SRPRB: variants seen among roughly 807,000 people sequenced by gnomAD.
SRPRB encodes signal recognition particle receptor subunit beta.
SRPRB carries 20 observed loss-of-function variants against 31.9 expected under a neutral mutation model. The ratio of observed to expected loss-of-function variants is 0.63; its 90% CI spans 0.44 to 0.91. The LOEUF (loss-of-function observed/expected upper bound fraction) is 0.91, where lower values mean the gene tolerates loss of function less well. Among genes scored for constraint, SRPRB ranks in the 40% least tolerant of loss-of-function variants. The pLI is 0.00. For synonymous variants in SRPRB, 146 were observed against 132.8 expected (o/e 1.10, Z -0.68); for missense variants, 321 against 324.9 (o/e 0.99, Z 0.09).
rs1935413155 is a variant in SRPRB, at chr3:133,818,823, TTCCTTCCTAAACAA to T, written c.603-729_603-716del. Among the ~76,000 whole-genome samples the T allele has an allele frequency of 2.0e-5, 3 of 151,166 alleles. No homozygotes were observed. In the South Asian group the frequency reaches 6.3e-4, roughly 32 times the overall value. On this transcript the variant is annotated intron_variant, in intron 6 of 6. Transcript: ENST00000678299. Reference sequence around the variant, plus strand: ...GTGTGTGTGTGTGTGTGTGTGTGTGTTCCTTCCTAAACAAGGTATTGCTTAGTTTTGCCTGTGGA... The same window carrying T: ...GTGTGTGTGTGTGTGTGTGTGTGTGTGGTATTGCTTAGTTTTGCCTGTGGA...
intron 1 of SRPRB, chr3:133,790,512 C>T (rs556377398): frequency 1.1e-4 from 16 of 152,144 alleles, no homozygotes; most frequent in African/African-American, 3.1e-4. Context: ...TAGAGGAGAA[C>T]GATATGGAAA....
intron 5 of SRPRB, among the ~76,000 whole-genome samples, chr3:133,815,993 T>A (rs1198554487): frequency 6.6e-6 from 1 of 152,256 alleles, no homozygotes; most frequent in East Asian, 1.9e-4. Context: ...TAAATTATTT[T>A]ACTTTACCAA....
chr3:133,823,941 G>A (rs780856749), downstream of SRPRB, among the ~76,000 whole-genome samples: 14 of 152,084 alleles, frequency 9.2e-5, no homozygotes, highest in Admixed American at 2.0e-4. Flanking sequence ...GGAATATATC[G>A]TACCCCTGAC....
chr3:133,785,306 T>G (rs1183350715), intron 1 of SRPRB: 144 of 60,274 alleles, frequency 2.4e-3, no homozygotes, highest in Non-Finnish European at 2.6e-3. Flanking sequence ...GGTGGGGGGG[T>G]CGGCCCCCCG....
chr3:133,817,345 CTG>C (rs1275188748), intron 6 of SRPRB, among the ~76,000 whole-genome samples: 1 of 152,042 alleles, frequency 6.6e-6, no homozygotes, highest in African/African-American at 2.4e-5. Context: ...AAAATAAAAA[CTG>C]AGAATCAGGA....
At chr3:133,819,511 A>T in intron 6 of SRPRB, 42 bp from the exon 7 acceptor site, 1 of 1,577,012 alleles carries the variant, frequency 6.3e-7, no homozygotes, top group Non-Finnish European at 8.7e-7. Context: ...TAATTGCTGT[A>T]TAAAAATTTT....
chr3:133,806,800 G>A, intron 2 of SRPRB, 97 bp downstream of exon 2: 3 of 950,284 alleles, frequency 3.2e-6, no homozygotes, highest in Non-Finnish European at 4.9e-6. Flanking sequence ...AAAAGAAGCT[G>A]ATGCTGTTAA....
chr3:133,805,663 T>C (rs1286450157), upstream of SRPRB: 2 of 615,136 alleles, frequency 3.3e-6, no homozygotes, highest in Admixed American at 7.7e-5. Flanking sequence ...TGTCTGCCCC[T>C]ATCGTTCTGT....
At chr3:133,789,454 C>T (rs1934773702) in intron 1 of SRPRB, 1 of 152,134 alleles carries the variant, frequency 6.6e-6, no homozygotes, top group African/African-American at 2.4e-5. Context: ...TAGTTCACAG[C>T]CTTCATTGGA....
intron 4 of SRPRB, among the ~76,000 whole-genome samples, chr3:133,813,846 T>C (rs749967131): frequency 2.0e-4 from 31 of 152,278 alleles, no homozygotes; most frequent in Non-Finnish European, 4.6e-4. Context: ...GTTCCTTCTG[T>C]TGGGGCCATA....
rs550012481 is a variant in SRPRB, at chr3:133,797,076, T to G, written c.-173-8600T>G. 3.9e-3 allele frequency among the ~76,000 whole-genome samples: 588 copies of G among 152,322 alleles called. 4 individuals carry two copies. Among genetic ancestry groups the G allele is most frequent in the African/African-American group, 0.013 (538 of 41,576 alleles). On this transcript the variant is annotated intron_variant, in intron 1 of 7. Coordinates refer to the SRPRB transcript ENST00000466490. ...GGAATTTTGAATTGGTAAATATTCA[T>G]GATGTGTGAAAAAGCATGATACATA...
downstream of SRPRB, chr3:133,825,253 C>A (rs1935540210): frequency 1.3e-5 from 2 of 152,222 alleles, no homozygotes; most frequent in South Asian, 4.1e-4. Context: ...CCAGGAGGGC[C>A]ATCCCTTTAT....
chr3:133,807,976 GAC>G (rs1174157881), intron 3 of SRPRB, among the ~76,000 whole-genome samples, 153 bp downstream of exon 3: 2 of 152,178 alleles, frequency 1.3e-5, no homozygotes, highest in African/African-American at 4.8e-5. Context: ...AAATTCTCTT[GAC>G]AATCTGTACA....
At chr3:133,793,620 A>G (rs1250370994) in intron 1 of SRPRB, 1 of 152,118 alleles carries the variant, frequency 6.6e-6, no homozygotes, top group Non-Finnish European at 1.5e-5. Context: ...CATAATTATG[A>G]TTATTATGTT....
chr3:133,819,655 A>G lies in SRPRB; in HGVS notation c.705A>G (p.Ser235=). The part of the protein sequence containing the change: ...LGKKGKEFEF[S]QLPLKVEFLE... ...AGAAAGGCAAAGAGTTTGAATTCTC[A>G]CAGTTGCCCCTCAAAGTGGAGTTCC... is the stretch of plus-strand genomic sequence containing the variant. The change falls in exon 7 of 7, where the codon TCA becomes TCG. Residue 235 remains serine, a synonymous_variant. Transcript: ENST00000678299. 1 of 1,614,154 alleles carries G rather than the reference A, an allele frequency of 6.2e-7. No homozygotes were observed. The highest frequency in any genetic ancestry group is 1.1e-5 in the South Asian group (1 of 91,074).
chr3:133,827,969 G>C (rs1363767980), downstream of SRPRB: 6 of 702,934 alleles, frequency 8.5e-6, no homozygotes, highest in Non-Finnish European at 1.3e-5. Flanking sequence ...CCACGCAGCT[G>C]CAATTGCCAA....
At chr3:133,814,593 C>T (rs1338477599) in intron 4 of SRPRB, among the ~76,000 whole-genome samples, 1 of 152,092 alleles carries the variant, frequency 6.6e-6, no homozygotes, top group Non-Finnish European at 1.5e-5. Context: ...CTCCCGCCAC[C>T]ATATCTGGCT....
chr3:133,801,249 C>T (rs1049210512), upstream of SRPRB, among the ~76,000 whole-genome samples: 5 of 152,192 alleles, frequency 3.3e-5, no homozygotes, highest in Non-Finnish European at 7.3e-5. Flanking sequence ...CAACTGGTTT[C>T]ATTGTAACTT....
intron 4 of SRPRB, among the ~76,000 whole-genome samples, chr3:133,814,070 G>A (rs958041544): frequency 6.6e-6 from 1 of 151,814 alleles, no homozygotes; most frequent in African/African-American, 2.4e-5. Context: ...CCAGCTGCAT[G>A]TTGGCCATTG....
Sources: gnomAD v4.1 joint callset for allele counts (sites outside exome capture counted in the v4.1 genomes callset) on GRCh38, gnomAD v4.1.1 for gene constraint, MANE v1.5 for transcripts, NCBI Gene and HGNC (gene_info 2026-07-23, HGNC 2026-07-21) for gene names.